Variants in PCDH15 observed in about 807,000 individuals in gnomAD.
PCDH15 encodes the protein protocadherin-15.
PCDH15 carries 129 observed loss-of-function variants against 178.5 expected under a neutral mutation model. The ratio of observed to expected loss-of-function variants is 0.72; its 90% CI spans 0.63 to 0.84. The LOEUF (loss-of-function observed/expected upper bound fraction) is 0.84, where lower values mean the gene tolerates loss of function less well. Ranked by LOEUF, PCDH15 falls within the 40% of genes least tolerant of loss-of-function variation. The pLI, the probability that PCDH15 is intolerant of heterozygous loss-of-function variation, is 0.00. For missense variants in PCDH15, 2,230 were observed against 2,099.9 expected (o/e 1.06, Z -1.21); for synonymous variants, 800 against 732.0 (o/e 1.09, Z -1.50).
At chr10:54,017,433 T>A (rs1357472397) in intron 20 of PCDH15, among the ~76,000 whole-genome samples, 1 of 152,170 alleles carries the variant, frequency 6.6e-6, no homozygotes, top group African/African-American at 2.4e-5. Context: ...GGGGTACATA[T>A]ACACCATGGA....
upstream of PCDH15, among the ~76,000 whole-genome samples, chr10:55,320,207 G>A (rs910944177): frequency 6.6e-6 from 1 of 152,134 alleles, no homozygotes; most frequent in Non-Finnish European, 1.5e-5. Context: ...GTGTGTGCTT[G>A]GACTCCACTG....
Position 54,329,653 on chromosome 10 carries a change from T to C in PCDH15, c.648A>G (p.Leu216=). 6.2e-7 allele frequency: 1 copy of C among 1,609,664 alleles called. No individual in the cohort carries two copies. Among genetic ancestry groups the C allele is most frequent in the Non-Finnish European group, 8.5e-7 (1 of 1,176,300 alleles). ...IPLMLTGNIV[L]RKRLNYEDKT... is the part of the protein sequence containing the mutation. ...TATCTTCATAGTTGAGCCTCTTCCT[T>C]AACACTATATTTCCAGTCAACATTA... is the stretch of plus-strand genomic sequence containing the variant. The change falls in exon 7 of 38, where the codon TTA becomes TTG. Residue 216 remains leucine (L), a synonymous_variant. Coordinates refer to ENST00000644397, the MANE Select transcript of PCDH15 (RefSeq NM_001384140.1).
chr10:54,767,350 C>T (rs1488779492), intron 1 of PCDH15, among the ~76,000 whole-genome samples: 1 of 152,038 alleles, frequency 6.6e-6, no homozygotes, highest in Admixed American at 6.6e-5. Context: ...AAGTATCAAA[C>T]AGAATCTATG....
chr10:54,178,493 T>C (rs2047658903), intron 13 of PCDH15, among the ~76,000 whole-genome samples: 1 of 151,880 alleles, frequency 6.6e-6, no homozygotes, highest in Non-Finnish European at 1.5e-5. Flanking sequence ...TGGAGAGAGA[T>C]TATTGCATCA....
intron 9 of PCDH15, among the ~76,000 whole-genome samples, chr10:54,221,462 C>T (rs1322665204): frequency 6.6e-6 from 1 of 152,058 alleles, no homozygotes; most frequent in Non-Finnish European, 1.5e-5. Flanking sequence ...AGATAGTAAG[C>T]CTATCCATAA....
intron 3 of PCDH15, among the ~76,000 whole-genome samples, chr10:54,853,944 G>T (rs528234063): frequency 1.3e-4 from 20 of 152,270 alleles, no homozygotes; most frequent in African/African-American, 4.8e-4. Context: ...GCTCAGGCCC[G>T]CTGGGTTCGT....
intron 2 of PCDH15, among the ~76,000 whole-genome samples, chr10:55,421,111 A>G (rs968648594): frequency 6.6e-6 from 1 of 151,588 alleles, no homozygotes; most frequent in African/African-American, 2.4e-5. Context: ...CAACTGATCT[A>G]AACATATGAA....
At chr10:54,864,365 C>A (rs1348064006) in intron 3 of PCDH15, among the ~76,000 whole-genome samples, 1 of 151,906 alleles carries the variant, frequency 6.6e-6, no homozygotes, top group South Asian at 2.1e-4. Context: ...AAATTATATT[C>A]ATAAAAAAGT....
chr10:55,023,847 CTATA>C (rs143032236), intron 2 of PCDH15, among the ~76,000 whole-genome samples: 2 of 144,922 alleles, frequency 1.4e-5, no homozygotes, highest in African/African-American at 5.1e-5. Flanking sequence ...ATATATATGC[CTATA>C]TATATATATT....
chr10:54,113,294 G>A (rs748443223), intron 15 of PCDH15, among the ~76,000 whole-genome samples: 2 of 152,042 alleles, frequency 1.3e-5, no homozygotes. Context: ...CTATATTACC[G>A]AAGATGTTTT....
At chr10:54,237,941 A>G (rs923538873) in intron 8 of PCDH15, among the ~76,000 whole-genome samples, 1 of 152,174 alleles carries the variant, frequency 6.6e-6, no homozygotes, top group Non-Finnish European at 1.5e-5. Context: ...AAAGGGTACT[A>G]TTTGCTCACT....
At chr10:55,100,895 G>C (rs964044508) in intron 2 of PCDH15, among the ~76,000 whole-genome samples, 2 of 152,100 alleles carry the variant, frequency 1.3e-5, no homozygotes, top group African/African-American at 4.8e-5. Context: ...TGGAATAAGG[G>C]AAGTAGGACA....
chr10:53,894,237 A>T (rs1420501783), intron 26 of PCDH15, among the ~76,000 whole-genome samples: 1 of 152,196 alleles, frequency 6.6e-6, no homozygotes, highest in African/African-American at 2.4e-5. Flanking sequence ...TAAACTAGAC[A>T]TATAGTGATT....
intron 21 of PCDH15, among the ~76,000 whole-genome samples, chr10:53,987,377 T>C (rs2134725520): frequency 6.6e-6 from 1 of 152,074 alleles, no homozygotes; most frequent in African/African-American, 2.4e-5. Flanking sequence ...AATACATAAA[T>C]AAACTAAGAG....
At chr10:55,540,955 T>C (rs907968486) in intron 2 of PCDH15, among the ~76,000 whole-genome samples, 1 of 152,062 alleles carries the variant, frequency 6.6e-6, no homozygotes, top group African/African-American at 2.4e-5. Flanking sequence ...TGACAACATA[T>C]TGTCTCACTG....
At chr10:55,098,354 T>A (rs1842491522) in intron 2 of PCDH15, among the ~76,000 whole-genome samples, 1 of 152,088 alleles carries the variant, frequency 6.6e-6, no homozygotes, top group Non-Finnish European at 1.5e-5. Context: ...AGAAATTATT[T>A]AGGTAAATAG....
intron 1 of PCDH15, among the ~76,000 whole-genome samples, chr10:55,232,674 C>G (rs1841260159): frequency 6.6e-6 from 1 of 152,064 alleles, no homozygotes; most frequent in Admixed American, 6.5e-5. Flanking sequence ...CTCTTATCTT[C>G]TATGATCAAA....
intron 28 of PCDH15, among the ~76,000 whole-genome samples, chr10:53,856,590 A>T (rs558302204): frequency 1.3e-5 from 2 of 152,204 alleles, no homozygotes; most frequent in East Asian, 3.9e-4. Context: ...TGGAGCCACA[A>T]AATCAAGGTA....
chr10:55,386,245 T>A (rs183604204), intron 2 of PCDH15, among the ~76,000 whole-genome samples: 194 of 152,056 alleles, frequency 1.3e-3, no homozygotes, highest in Middle Eastern at 3.4e-3. Context: ...CATGAGTAAT[T>A]TTTATATCAC....
Sources: gnomAD v4.1 joint callset for allele counts (sites outside exome capture counted in the v4.1 genomes callset) on GRCh38, gnomAD v4.1.1 for gene constraint, MANE v1.5 for transcripts, NCBI Gene and HGNC (gene_info 2026-07-23, HGNC 2026-07-21) for gene names.